Variants in CFAP58 observed in about 807,000 individuals in gnomAD.
The protein encoded by CFAP58 is cilia and flagella associated protein 58.
A neutral mutation model predicts 119.5 loss-of-function variants in CFAP58; 88 were observed. That is an observed-to-expected ratio of 0.74 (90% CI 0.62 to 0.88). The LOEUF (loss-of-function observed/expected upper bound fraction) is 0.88, where lower values mean the gene tolerates loss of function less well. CFAP58 is among the 40% of genes least tolerant of loss of function. The pLI, the probability that CFAP58 is intolerant of heterozygous loss-of-function variation, is 0.00. For missense variants in CFAP58, 990 were observed against 1,021.2 expected (o/e 0.97, Z 0.42); for synonymous variants, 365 against 366.3 (o/e 1.00, Z 0.04).
At chr10:104,345,805 G>A in the CFAP58 span, among the ~76,000 whole-genome samples, 368 of 152,224 alleles carry the variant, frequency 2.4e-3, 5 homozygotes, top group African/African-American at 7.8e-3. Flanking sequence ...AAAGGGATCA[G>A]CATTTGTAAA....
chr10:104,368,391 A>C (rs1341323640), intron 5 of CFAP58, 32 bp from the exon 6 acceptor site: 1 of 1,610,512 alleles, frequency 6.2e-7, no homozygotes, highest in South Asian at 1.1e-5. Context: ...TCAGATTAAA[A>C]AGCATTAACC....
At chr10:104,451,811 C>T (rs2133103431) in intron 17 of CFAP58, among the ~76,000 whole-genome samples, 1 of 152,324 alleles carries the variant, frequency 6.6e-6, no homozygotes, top group Middle Eastern at 3.4e-3. Context: ...TCTTGGCTCA[C>T]TCTGTCTCCG....
Position 104,359,670 on chromosome 10 carries a change from G to A in CFAP58, c.291+1048G>A, listed in dbSNP as rs138022272. On this transcript the variant is annotated intron_variant, in intron 2 of 17. Transcript: ENST00000369704. ...AAATTAGCTGGGCGTGGTGGCATAT[G>A]CCTGTAATCCCAGCTACTTGGGAGG... 3.7e-3 allele frequency among the ~76,000 whole-genome samples: 557 copies of A among 152,264 alleles called. 1 individual carries two copies. Among genetic ancestry groups the A allele is most frequent in the African/African-American group, 0.013 (533 of 41,566 alleles).
At chr10:104,406,946 C>T (rs755880202) in intron 15 of CFAP58, among the ~76,000 whole-genome samples, 153 bp downstream of exon 15, 1 of 152,164 alleles carries the variant, frequency 6.6e-6, no homozygotes, top group African/African-American at 2.4e-5. Flanking sequence ...CAAGCACAGC[C>T]TGATTAATTG....
At chr10:104,432,531 T>A in intron 15 of CFAP58, among the ~76,000 whole-genome samples, 1 of 150,570 alleles carries the variant, frequency 6.6e-6, no homozygotes. Context: ...TGAGACGGAG[T>A]CTCGCTCTGT....
Position 104,377,926 on chromosome 10 carries a change from A to G in CFAP58, c.1173+1033A>G, listed in dbSNP as rs7078472. On this transcript the variant is annotated intron_variant, in intron 8 of 17. Coordinates refer to ENST00000369704, the MANE Select transcript of CFAP58 (RefSeq NM_001008723.2). ...ATTCTATACATTTGTACATATAAACAATAGTGTTGGATTTAGATTTTTAAA... is the reference window on the plus strand; with the variant it reads ...ATTCTATACATTTGTACATATAAACGATAGTGTTGGATTTAGATTTTTAAA... Among the ~76,000 whole-genome samples, 630 of 152,352 alleles carry G rather than the reference A, an allele frequency of 4.1e-3. 5 individuals are homozygous for G. The highest frequency in any genetic ancestry group is 0.014 in the African/African-American group (595 of 41,578).
At chr10:104,357,796 T>TATACACACATATATGTAC (rs2014564366) in intron 1 of CFAP58, among the ~76,000 whole-genome samples, 6 of 147,892 alleles carry the variant, frequency 4.1e-5, no homozygotes, top group African/African-American at 1.6e-4. Context: ...TATATACATA[T>TATACACACATATATGTAC]ATATACACAC....
chr10:104,432,713 G>T (rs180858831), intron 15 of CFAP58, among the ~76,000 whole-genome samples: 53 of 152,288 alleles, frequency 3.5e-4, no homozygotes, highest in African/African-American at 1.1e-3. Context: ...ATGTTGGCCA[G>T]GATGGTCTCT....
rs192241433 is a variant in CFAP58, at chr10:104,419,951, A to G, written c.2256+13158A>G. On this transcript the variant is annotated intron_variant, in intron 15 of 17. Transcript: ENST00000369704. ...GGTCAAAGAAATCCAAAATCTAGGA[A>G]CTGGTACTTTCTGTCTTAATCTTTG... is the stretch of plus-strand genomic sequence containing the variant. Among the ~76,000 whole-genome samples the G allele has an allele frequency of 4.7e-3, 721 of 152,276 alleles. 1 individual carries two copies. Among genetic ancestry groups the G allele is most frequent in the Middle Eastern group, 0.037 (11 of 294 alleles).
At chr10:104,447,139 A>G (rs1466765059) in intron 15 of CFAP58, among the ~76,000 whole-genome samples, 1 of 151,160 alleles carries the variant, frequency 6.6e-6, no homozygotes, top group East Asian at 1.9e-4. Context: ...ACAGGCATGC[A>G]CCAAAATGTC....
rs758266553 is a variant in CFAP58, at chr10:104,392,401, A to C, written c.1527+7A>C. The C allele has an allele frequency of 6.4e-7, 1 of 1,557,676 alleles. No homozygotes were observed. Among genetic ancestry groups the C allele is most frequent in the Non-Finnish European group, 8.7e-7 (1 of 1,149,530 alleles). On this transcript the variant is annotated splice_region_variant and intron_variant, in intron 10 of 17. Coordinates refer to ENST00000369704, the MANE Select transcript of CFAP58 (RefSeq NM_001008723.2). The stretch of plus-strand genomic sequence containing the variant: ...AAATCTGGTTGAGGCTCAGGTAAAT[A>C]ATATATTTATATCCTTACATTTTGA...
chr10:104,356,503 G>A (rs2014544914), intron 1 of CFAP58, among the ~76,000 whole-genome samples: 1 of 152,206 alleles, frequency 6.6e-6, no homozygotes, highest in Non-Finnish European at 1.5e-5. Flanking sequence ...GCAAACGTAA[G>A]TAAGGCCTTG....
At chr10:104,410,010 C>T (rs572691451) in intron 15 of CFAP58, among the ~76,000 whole-genome samples, 2 of 152,272 alleles carry the variant, frequency 1.3e-5, no homozygotes, top group South Asian at 4.1e-4. Context: ...TCCCACTAAC[C>T]ATTACTACCT....
chr10:104,384,300 T>C (rs2011879328), intron 9 of CFAP58, among the ~76,000 whole-genome samples: 1 of 152,242 alleles, frequency 6.6e-6, no homozygotes, highest in Non-Finnish European at 1.5e-5. Flanking sequence ...GGAGGTGGAC[T>C]GGGACTTGGC....
chr10:104,451,013 T>C (rs1450848266), intron 17 of CFAP58, among the ~76,000 whole-genome samples: 1 of 152,184 alleles, frequency 6.6e-6, no homozygotes, highest in Admixed American at 6.6e-5. Flanking sequence ...AAACAAAATT[T>C]CTCTTCACAT....
rs769307766 is a variant in CFAP58, at chr10:104,393,366, T to G, written c.1565T>G (p.Met522Arg). 34 of 1,613,878 alleles carry G rather than the reference T, an allele frequency of 2.1e-5. 1 individual carries two copies. The highest frequency in any genetic ancestry group is 2.7e-5 in the Non-Finnish European group (32 of 1,179,880). Residue 522 changes from methionine to arginine, a missense_variant, in exon 11 of 18, where the codon ATG becomes AGG. By Grantham distance (91) the Met-to-Arg change is moderately conservative. Coordinates refer to ENST00000369704, the MANE Select transcript of CFAP58 (RefSeq NM_001008723.2). ...GATATGAAGAGAAAGTTAAAGATTA[T>G]GATCCATCAGGTAGATGAGCTGAAA... ...ITDMKRKLKI[M>R]IHQVDELKED... is the part of the protein sequence containing the mutation.
At chr10:104,428,656 A>G (rs112204546) in intron 15 of CFAP58, among the ~76,000 whole-genome samples, 2,508 of 152,284 alleles carry the variant, frequency 0.016, 37 homozygotes, top group South Asian at 0.054. Flanking sequence ...GAAGATAGGA[A>G]TGCATGTTTG....
At chr10:104,378,537 A>G (rs1050265083) in intron 8 of CFAP58, among the ~76,000 whole-genome samples, 2 of 152,176 alleles carry the variant, frequency 1.3e-5, no homozygotes, top group Non-Finnish European at 2.9e-5. Context: ...TCAGGAACCC[A>G]TTGGAAACTG....
intron 2 of CFAP58, 87 bp from the exon 3 acceptor site, chr10:104,361,936 T>C: frequency 7.9e-7 from 1 of 1,261,884 alleles, no homozygotes; most frequent in Middle Eastern, 2.2e-4. Flanking sequence ...AACTACACTG[T>C]GGTCATGGTA....
Sources: allele counts gnomAD v4.1 joint callset (sites outside exome capture counted in the v4.1 genomes callset), GRCh38; gene constraint gnomAD v4.1.1; transcripts MANE v1.5; gene names NCBI Gene and HGNC (gene_info 2026-07-23, HGNC 2026-07-21).